CACNA2D3: variants seen among roughly 807,000 people sequenced by gnomAD.
CACNA2D3 encodes the protein voltage-dependent calcium channel subunit alpha-2/delta-3.
Under a neutral mutation model 160.6 loss-of-function variants are expected in CACNA2D3, and 60 were observed. The ratio of observed to expected loss-of-function variants is 0.37; its 90% confidence interval spans 0.30 to 0.46. The LOEUF (loss-of-function observed/expected upper bound fraction) is 0.46. Ranked by LOEUF, CACNA2D3 falls within the 20% of genes least tolerant of loss-of-function variation. The pLI is 1.00. For synonymous variants in CACNA2D3, 558 were observed against 492.9 expected (o/e 1.13, Z -1.75); for missense variants, 1,205 against 1,365.0 (o/e 0.88, Z 1.85).
rs183394792 is a variant in CACNA2D3, at chr3:54,862,719, A to G, written c.1627-8820A>G. On this transcript the variant is annotated intron_variant, in intron 17 of 37. Coordinates refer to ENST00000474759, the MANE Select transcript of CACNA2D3 (RefSeq NM_018398.3). ...AAATGGGGTGACAGGATATGAGTCA[A>G]TGGGCCCGAACTACTTACCACAGGA... 3.1e-4 allele frequency among the ~76,000 whole-genome samples: 47 copies of G among 152,228 alleles called. No homozygotes were observed. The East Asian group carries it at 6.8e-3, about 22-fold the overall frequency.
intron 11 of CACNA2D3, among the ~76,000 whole-genome samples, chr3:54,656,999 C>T (rs1164395952): frequency 6.6e-6 from 1 of 150,446 alleles, no homozygotes; most frequent in Non-Finnish European, 1.5e-5. Flanking sequence ...CGAAAAGAGT[C>T]AGCCAAGGGA....
intron 3 of CACNA2D3, among the ~76,000 whole-genome samples, chr3:54,337,510 T>G (rs1394574438): frequency 6.6e-6 from 1 of 152,196 alleles, no homozygotes; most frequent in Non-Finnish European, 1.5e-5. Context: ...CTGCATTGCT[T>G]AAGTTCTGCT....
At chr3:55,010,849 C>T (rs3773569) in intron 34 of CACNA2D3, among the ~76,000 whole-genome samples, 27,321 of 152,124 alleles carry the variant, frequency 0.18, 2,736 homozygotes, top group Admixed American at 0.24. Context: ...CTCTTCTTTA[C>T]CATTATTGCC....
chr3:54,441,833 A>G (rs1047520112), intron 4 of CACNA2D3, among the ~76,000 whole-genome samples: 2 of 152,356 alleles, frequency 1.3e-5, no homozygotes, highest in African/African-American at 4.8e-5. Context: ...ATGAATAATG[A>G]CGAATGATAT....
intron 14 of CACNA2D3, among the ~76,000 whole-genome samples, chr3:54,834,782 A>G (rs1426797408): frequency 6.6e-6 from 1 of 152,174 alleles, no homozygotes; most frequent in African/African-American, 2.4e-5. Context: ...TGGGTTACAC[A>G]ATTGTGGGGC....
chr3:54,280,928 T>C (rs1277054462), intron 2 of CACNA2D3, among the ~76,000 whole-genome samples: 3 of 152,224 alleles, frequency 2.0e-5, no homozygotes, highest in South Asian at 2.1e-4. Context: ...TGCTATGGTG[T>C]TGAGCATACT....
chr3:54,299,941 G>A (rs1703436504), intron 2 of CACNA2D3, among the ~76,000 whole-genome samples: 1 of 152,144 alleles, frequency 6.6e-6, no homozygotes, highest in Non-Finnish European at 1.5e-5. Context: ...GATGAACGTG[G>A]GATGGTGTAG....
rs146114886 is a variant in CACNA2D3, at chr3:54,538,409, C to T, written c.545-24391C>T. ...CTTTCCTCCCCCTCCTCCAGCGTCC[C>T]TTGGGGGAGTCCTCATCCGTTCATG... On this transcript the variant is annotated intron_variant, in intron 5 of 37. Coordinates refer to ENST00000474759, the MANE Select transcript of CACNA2D3 (RefSeq NM_018398.3). 9.1e-3 allele frequency among the ~76,000 whole-genome samples: 1,390 copies of T among 152,224 alleles called. 20 individuals are homozygous for T. Among genetic ancestry groups the T allele is most frequent in the African/African-American group, 0.03 (1,265 of 41,524 alleles).
intron 5 of CACNA2D3, among the ~76,000 whole-genome samples, chr3:54,509,213 G>T (rs1701418667): frequency 6.6e-6 from 1 of 152,080 alleles, no homozygotes; most frequent in Non-Finnish European, 1.5e-5. Flanking sequence ...TGTGCAAGAA[G>T]GCTCACAAAC....
At chr3:54,140,299 G>C (rs1035187265) in intron 2 of CACNA2D3, among the ~76,000 whole-genome samples, 6 of 152,212 alleles carry the variant, frequency 3.9e-5, no homozygotes, top group Admixed American at 3.9e-4. Context: ...ACAAATACTG[G>C]ATGCAGTGGG....
rs147623762 is a variant in CACNA2D3, at chr3:54,175,890, TG to T, written c.204+52299del. Among the ~76,000 whole-genome samples, 8 of 152,052 alleles carry T rather than the reference TG, an allele frequency of 5.3e-5. No individual in the cohort carries two copies. In the East Asian group the frequency reaches 9.7e-4, roughly 18 times the overall value. On this transcript the variant is annotated intron_variant, in intron 2 of 37. Coordinates refer to ENST00000474759, the MANE Select transcript of CACNA2D3 (RefSeq NM_018398.3). ...ATACAATGTCTGGGACAATGTCTTTTGGGCCCAAAGAGTGGACCATTCATTG... is the reference window on the plus strand; with the variant it reads ...ATACAATGTCTGGGACAATGTCTTTTGGCCCAAAGAGTGGACCATTCATTG...
At chr3:54,739,435 A>C (rs1480207887) in intron 11 of CACNA2D3, among the ~76,000 whole-genome samples, 8 of 148,922 alleles carry the variant, frequency 5.4e-5, no homozygotes, top group East Asian at 1.9e-4. Context: ...CAAAAAAAAA[A>C]AAAAAACAAA....
rs544029427 is a variant in CACNA2D3 at position 54,896,929 on chromosome 3, T to A, written c.2368+59T>A. The A allele has an allele frequency of 2.2e-5, 36 of 1,610,088 alleles. No individual in the cohort carries two copies. In the South Asian group the frequency reaches 3.7e-4, roughly 17 times the overall value. On this transcript the variant is annotated intron_variant, in intron 26 of 37. Coordinates refer to ENST00000474759, the MANE Select transcript of CACNA2D3 (RefSeq NM_018398.3). ...TCTGGTCCAGTGGGTCTGGGCATTG[T>A]GTGCAGGGTGTTGGGGAGCTGCCTG...
chr3:54,914,357 T>C (rs1050042177), intron 27 of CACNA2D3, among the ~76,000 whole-genome samples: 2 of 152,210 alleles, frequency 1.3e-5, no homozygotes, highest in Non-Finnish European at 2.9e-5. Context: ...CTGCAATGGA[T>C]AGAAAGGCTG....
chr3:54,541,677 G>A (rs183963178), intron 5 of CACNA2D3, among the ~76,000 whole-genome samples: 25 of 152,326 alleles, frequency 1.6e-4, no homozygotes, highest in African/African-American at 5.3e-4. Context: ...TTACCGTCAC[G>A]TGGTGCTGCC....
chr3:54,290,457 T>G lies in CACNA2D3; in HGVS notation c.205-29985T>G, dbSNP rs764052887. Among the ~76,000 whole-genome samples the G allele has an allele frequency of 3.8e-3, 584 of 152,164 alleles. 5 individuals are homozygous for G. Among genetic ancestry groups the G allele is most frequent in the African/African-American group, 7.1e-3 (296 of 41,474 alleles). On this transcript the variant is annotated intron_variant, in intron 2 of 37. Transcript: ENST00000474759. ...AAAATAGGAACACTTTTACACTGTG[T>G]GTGGGACTGTAAACTAGTTCAACCA...
chr3:55,064,101 G>A (rs1299917466), intron 35 of CACNA2D3, among the ~76,000 whole-genome samples: 1 of 152,080 alleles, frequency 6.6e-6, no homozygotes, highest in Non-Finnish European at 1.5e-5. Flanking sequence ...ACCTGGTGGG[G>A]TGCGCAGCTC....
chr3:55,062,524 A>AAC (rs1484398535), intron 35 of CACNA2D3, among the ~76,000 whole-genome samples: 1 of 152,164 alleles, frequency 6.6e-6, no homozygotes, highest in Non-Finnish European at 1.5e-5. Context: ...CAAATTACAA[A>AAC]ACAAAATATT....
intron 11 of CACNA2D3, among the ~76,000 whole-genome samples, chr3:54,703,465 A>G (rs1700803454): frequency 6.6e-6 from 1 of 152,120 alleles, no homozygotes; most frequent in Non-Finnish European, 1.5e-5. Flanking sequence ...GTGTCCCTAC[A>G]ATTGGAATGG....
Sources: allele counts gnomAD v4.1 joint callset (sites outside exome capture counted in the v4.1 genomes callset), GRCh38; gene constraint gnomAD v4.1.1; transcripts MANE v1.5; gene names NCBI Gene and HGNC (gene_info 2026-07-23, HGNC 2026-07-21).